CAMK1D: variants seen among roughly 807,000 people sequenced by gnomAD.
The protein encoded by CAMK1D is calcium/calmodulin dependent protein kinase ID.
CAMK1D carries 9 observed loss-of-function variants against 47.7 expected under a neutral mutation model. That is an observed-to-expected ratio of 0.19 (90% CI 0.11 to 0.33). The LOEUF (loss-of-function observed/expected upper bound fraction) is 0.33. CAMK1D is among the 10% of genes least tolerant of loss of function. The probability of loss-of-function intolerance (pLI) is 1.00; values close to 1 mark genes in which losing one functional copy is unlikely to be tolerated. For synonymous variants in CAMK1D, 184 were observed against 184.9 expected, an observed-to-expected ratio of 0.99 and a Z score of 0.04; for missense variants, 291 against 488.7, an observed-to-expected ratio of 0.60 and a Z score of 3.81.
At chr10:12,493,196 T>C (rs1834439014) in intron 1 of CAMK1D, among the ~76,000 whole-genome samples, 1 of 152,182 alleles carries the variant, frequency 6.6e-6, no homozygotes, top group Admixed American at 6.5e-5. Flanking sequence ...GTCTTGCTGG[T>C]GTGTCCTATA....
At chr10:12,423,484 C>T (rs1243746137) in intron 1 of CAMK1D, among the ~76,000 whole-genome samples, 1 of 152,188 alleles carries the variant, frequency 6.6e-6, no homozygotes, top group Non-Finnish European at 1.5e-5. Context: ...GACTACGCTC[C>T]AGCCCAGGGG....
chr10:12,774,880 A>C (rs563405505), intron 5 of CAMK1D, among the ~76,000 whole-genome samples: 2 of 152,274 alleles, frequency 1.3e-5, no homozygotes. Flanking sequence ...ACCATCCCCA[A>C]TACCGTATCC....
At chr10:12,582,075 G>A (rs11257903) in intron 2 of CAMK1D, among the ~76,000 whole-genome samples, 30,014 of 151,898 alleles carry the variant, frequency 0.2, 5,433 homozygotes, top group African/African-American at 0.47. Flanking sequence ...ATAAAGCGAG[G>A]GATGAGGATC....
intron 6 of CAMK1D, among the ~76,000 whole-genome samples, chr10:12,798,894 T>C (rs1422517765): frequency 6.6e-6 from 1 of 152,188 alleles, no homozygotes. Context: ...ATATATGTAT[T>C]GGAGGTGCAC....
chr10:12,805,878 G>A (rs963576995), intron 6 of CAMK1D, among the ~76,000 whole-genome samples: 6 of 152,194 alleles, frequency 3.9e-5, no homozygotes, highest in Admixed American at 2.0e-4. Flanking sequence ...AAGGAATGAG[G>A]CATCACCACC....
At chr10:12,818,119 C>G (rs1832874032) in intron 8 of CAMK1D, among the ~76,000 whole-genome samples, 1 of 152,104 alleles carries the variant, frequency 6.6e-6, no homozygotes, top group African/African-American at 2.4e-5. Context: ...AAAAATTACT[C>G]CAGAAAACCA....
intron 2 of CAMK1D, among the ~76,000 whole-genome samples, chr10:12,558,675 T>C (rs1338008712): frequency 2.0e-5 from 3 of 151,940 alleles, no homozygotes; most frequent in Non-Finnish European, 4.4e-5. Context: ...GATGCATAGA[T>C]TGGAAAGTGG....
intron 3 of CAMK1D, among the ~76,000 whole-genome samples, chr10:12,715,347 A>G (rs569125472): frequency 9.2e-5 from 14 of 152,328 alleles, no homozygotes; most frequent in African/African-American, 3.1e-4. Flanking sequence ...TCTCAAATGC[A>G]TGACTACTGC....
intron 1 of CAMK1D, among the ~76,000 whole-genome samples, chr10:12,434,749 T>C (rs1355210890): frequency 6.6e-6 from 1 of 152,228 alleles, no homozygotes; most frequent in Non-Finnish European, 1.5e-5. Flanking sequence ...CACCGGGTAA[T>C]GCTTCCCAAT....
chr10:12,573,031 A>G (rs897008829), intron 2 of CAMK1D, among the ~76,000 whole-genome samples: 4 of 152,254 alleles, frequency 2.6e-5, no homozygotes, highest in Non-Finnish European at 5.9e-5. Flanking sequence ...TTAAAGTCTC[A>G]TTTAATCTGG....
intron 1 of CAMK1D, among the ~76,000 whole-genome samples, chr10:12,444,169 G>C (rs1181456937): frequency 2.0e-5 from 3 of 152,108 alleles, no homozygotes; most frequent in Non-Finnish European, 4.4e-5. Flanking sequence ...TTATCAGCAA[G>C]GTCTTTATGA....
intron 2 of CAMK1D, among the ~76,000 whole-genome samples, chr10:12,598,166 G>A (rs958416876): frequency 6.6e-6 from 1 of 152,268 alleles, no homozygotes; most frequent in East Asian, 1.9e-4. Flanking sequence ...GTGTTGCCAC[G>A]GGAAAGCAAT....
intron 1 of CAMK1D, among the ~76,000 whole-genome samples, chr10:12,426,491 G>A (rs889092875): frequency 6.6e-6 from 1 of 151,980 alleles, no homozygotes; most frequent in Non-Finnish European, 1.5e-5. Context: ...GCTGATTGCC[G>A]GCCTCAGCCT....
intron 3 of CAMK1D, among the ~76,000 whole-genome samples, chr10:12,745,607 C>CTTTTTTTTTT (rs62682462): frequency 1.4e-5 from 2 of 144,880 alleles, no homozygotes; most frequent in African/African-American, 5.1e-5. Flanking sequence ...TTCTTTTTTT[C>CTTTTTTTTTT]TTTTTTTTTT....
chr10:12,389,935 G>C (rs1187460620), intron 1 of CAMK1D, among the ~76,000 whole-genome samples: 6 of 152,056 alleles, frequency 3.9e-5, no homozygotes, highest in African/African-American at 7.2e-5. Flanking sequence ...GCCTCAAAGA[G>C]AAGGCTATTT....
intron 1 of CAMK1D, among the ~76,000 whole-genome samples, chr10:12,476,664 C>T (rs543574859): frequency 3.9e-5 from 6 of 152,140 alleles, no homozygotes; most frequent in East Asian, 3.9e-4. Context: ...TGGTTTGTTT[C>T]GAAGGTGACA....
chr10:12,665,255 A>G (rs1016017703), intron 2 of CAMK1D, among the ~76,000 whole-genome samples: 1 of 152,252 alleles, frequency 6.6e-6, no homozygotes, highest in Non-Finnish European at 1.5e-5. Context: ...TGTAGAATTC[A>G]AAGGAAAGCT....
chr10:12,572,490 A>C (rs1837358257), intron 2 of CAMK1D, among the ~76,000 whole-genome samples: 1 of 152,094 alleles, frequency 6.6e-6, no homozygotes, highest in South Asian at 2.1e-4. Context: ...TGGGAAGATG[A>C]GGGATGATTC....
chr10:12,722,314 T>C lies in CAMK1D; in HGVS notation c.300-38634T>C, dbSNP rs947485852. 9.3e-5 allele frequency among the ~76,000 whole-genome samples: 14 copies of C among 150,924 alleles called. No individual in the cohort carries two copies. In the South Asian group the frequency reaches 1.7e-3, roughly 18 times the overall value. ...CAAAACAATTAGCCGGGCTTGGTGG[T>C]GGGTGCCTGTAGTCCCAGCTACTAG... is the stretch of plus-strand genomic sequence containing the variant. On this transcript the variant is annotated intron_variant, in intron 3 of 10. Transcript: ENST00000619168.
Sources: gnomAD v4.1 joint callset for allele counts (sites outside exome capture counted in the v4.1 genomes callset) on GRCh38, gnomAD v4.1.1 for gene constraint, MANE v1.5 for transcripts, NCBI Gene and HGNC (gene_info 2026-07-23, HGNC 2026-07-21) for gene names.